Variants in KIRREL3 observed in about 807,000 individuals in gnomAD.
The protein encoded by KIRREL3 is kirre like nephrin family adhesion molecule 3.
Under a neutral mutation model 89.7 loss-of-function variants are expected in KIRREL3, and 36 were observed. The ratio of observed to expected loss-of-function variants is 0.40; its 90% CI spans 0.31 to 0.53. The LOEUF (loss-of-function observed/expected upper bound fraction) is 0.53. KIRREL3 is among the 20% of genes least tolerant of loss of function. The probability of loss-of-function intolerance (pLI) is 0.49; values close to 1 mark genes in which losing one functional copy is unlikely to be tolerated. For missense variants in KIRREL3, 864 were observed against 1,056.6 expected, an observed-to-expected ratio of 0.82 and a Z score of 2.53; for synonymous variants, 445 against 441.4, an observed-to-expected ratio of 1.01 and a Z score of -0.10.
At position 126,424,575 on chromosome 11, in the gene KIRREL3, G is replaced by C; in HGVS notation, c.*5C>G. On this transcript the variant is annotated 3_prime_UTR_variant, in exon 17 of 17. Transcript: ENST00000525144. Reference sequence around the variant, plus strand: ...TGGCCCGTCCCCACCCGCGGTGTGTGATCCTTAGACGTGAGTCTGCATCCG... The same window carrying C: ...TGGCCCGTCCCCACCCGCGGTGTGTCATCCTTAGACGTGAGTCTGCATCCG... The C allele has an allele frequency of 6.2e-7, 1 of 1,613,224 alleles. No homozygotes were observed. The highest frequency in any genetic ancestry group is 8.5e-7 in the Non-Finnish European group (1 of 1,179,578).
chr11:126,621,774 T>A (rs1943585420), intron 1 of KIRREL3, among the ~76,000 whole-genome samples: 2 of 152,226 alleles, frequency 1.3e-5, no homozygotes, highest in South Asian at 4.1e-4. Flanking sequence ...AACACTTTAC[T>A]CCTAATAATC....
At position 126,476,525 on chromosome 11, in the gene KIRREL3, C is replaced by T. The variant is rs765480925; in HGVS notation, c.434-3059G>A. Among the ~76,000 whole-genome samples the T allele has an allele frequency of 6.6e-6, 1 of 152,368 alleles. No individual in the cohort carries two copies. The highest frequency in any genetic ancestry group is 2.4e-5 in the African/African-American group (1 of 41,586). ...TTGTGGGAGTGCTCAGGCACACGCA[C>T]AGCCACGCACATACATCCACCCTCA... On this transcript the variant is annotated intron_variant, in intron 4 of 16. Coordinates refer to ENST00000525144, the MANE Select transcript of KIRREL3 (RefSeq NM_032531.4). The surrounding 1 kb of genome is among the most constrained non-coding windows in gnomAD (Gnocchi z 6.4).
At position 126,575,144 on chromosome 11, in the gene KIRREL3, G is replaced by A. The variant is rs1329494009; in HGVS notation, c.56-12232C>T. 1.3e-5 allele frequency among the ~76,000 whole-genome samples: 2 copies of A among 152,172 alleles called. No homozygotes were observed. Among genetic ancestry groups the A allele is most frequent in the African/African-American group, 4.8e-5 (2 of 41,436 alleles). ...TTCTCTGGCCAGAGGACACAGTGAG[G>A]GAGCCTGGTTTAAAAAAAAGAGGCT... On this transcript the variant is annotated intron_variant, in intron 1 of 16. Transcript: ENST00000525144. The surrounding 1 kb of genome is among the most constrained non-coding windows in gnomAD (Gnocchi z 7.0).
At position 126,531,870 on chromosome 11, in the gene KIRREL3, G is replaced by A. The variant is rs1958954530; in HGVS notation, c.134-5183C>T. Among the ~76,000 whole-genome samples, 1 of 152,160 alleles carries A rather than the reference G, an allele frequency of 6.6e-6. No individual in the cohort carries two copies. The highest frequency in any genetic ancestry group is 6.5e-5 in the Admixed American group (1 of 15,272). On this transcript the variant is annotated intron_variant, in intron 2 of 16. Coordinates refer to ENST00000525144, the MANE Select transcript of KIRREL3 (RefSeq NM_032531.4). The surrounding 1 kb of genome is among the most constrained non-coding windows in gnomAD (Gnocchi z 4.7). ...CACCGGTTACACGTCTGTCACATGT[G>A]CCTTTGTACTTAGAGTTTGCCTGCT...
chr11:126,468,512 T>C (rs1956794293), intron 5 of KIRREL3, among the ~76,000 whole-genome samples: 1 of 152,204 alleles, frequency 6.6e-6, no homozygotes. Flanking sequence ...CTTCCTCTCC[T>C]GCCCTTCCTC....
chr11:126,806,996 T>C (rs765411557), intron 1 of KIRREL3, among the ~76,000 whole-genome samples: 1 of 152,218 alleles, frequency 6.6e-6, no homozygotes, highest in Non-Finnish European at 1.5e-5. Context: ...TCCATGTCCC[T>C]GCAAAGGACA....
chr11:126,444,131 T>A (rs1955695989), intron 10 of KIRREL3, among the ~76,000 whole-genome samples: 1 of 152,182 alleles, frequency 6.6e-6, no homozygotes, highest in South Asian at 2.1e-4. Context: ...CCCTACATAT[T>A]TCATGTAACA....
intron 1 of KIRREL3, among the ~76,000 whole-genome samples, chr11:126,592,916 G>A (rs968927709): frequency 3.3e-5 from 5 of 152,132 alleles, no homozygotes; most frequent in African/African-American, 1.2e-4. Context: ...CAGAGGGCTG[G>A]GCGTGGCGTA....
intron 1 of KIRREL3, among the ~76,000 whole-genome samples, chr11:126,660,940 T>C (rs1446731367): frequency 3.3e-5 from 5 of 152,084 alleles, no homozygotes; most frequent in African/African-American, 9.7e-5. Context: ...TAGAGGCCAA[T>C]GGGGAGATCA....
intron 4 of KIRREL3, among the ~76,000 whole-genome samples, chr11:126,497,279 G>GGT (rs1247322607): frequency 2.0e-5 from 3 of 151,194 alleles, no homozygotes; most frequent in Non-Finnish European, 4.4e-5. Flanking sequence ...TGTGTGACAG[G>GGT]GTGTGTGTGT....
chr11:126,839,248 A>G (rs1184446722), intron 1 of KIRREL3, among the ~76,000 whole-genome samples: 1 of 152,206 alleles, frequency 6.6e-6, no homozygotes, highest in Non-Finnish European at 1.5e-5. Context: ...GTGCAGCAAT[A>G]CTGGGGTGAA....
Position 126,666,395 on chromosome 11 carries a change from C to T in KIRREL3, c.56-103483G>A, listed in dbSNP as rs1363993168. Among the ~76,000 whole-genome samples the T allele has an allele frequency of 6.6e-6, 1 of 152,190 alleles. No homozygotes were observed. On this transcript the variant is annotated intron_variant, in intron 1 of 16. Coordinates refer to ENST00000525144, the MANE Select transcript of KIRREL3 (RefSeq NM_032531.4). This position sits in a 1 kb window ranked among gnomAD's most constrained non-coding sequence, Gnocchi z 4.2. Reference sequence around the variant, plus strand: ...AGAAAAAGTGGGGGTAATCCACCAACTGTCTAACCATTTCCTGAAAAATAG... The same window carrying T: ...AGAAAAAGTGGGGGTAATCCACCAATTGTCTAACCATTTCCTGAAAAATAG...
chr11:126,460,139 G>A (rs1212755686), intron 6 of KIRREL3, among the ~76,000 whole-genome samples: 1 of 152,140 alleles, frequency 6.6e-6, no homozygotes, highest in Non-Finnish European at 1.5e-5. Context: ...GAGGGAGCGG[G>A]TGGAGAACGT....
chr11:126,754,591 C>T lies in KIRREL3; in HGVS notation c.56-191679G>A, dbSNP rs1032278512. On this transcript the variant is annotated intron_variant, in intron 1 of 16. Coordinates refer to ENST00000525144, the MANE Select transcript of KIRREL3 (RefSeq NM_032531.4). The surrounding 1 kb of genome is among the most constrained non-coding windows in gnomAD (Gnocchi z 5.1). ...CGTCTGCGAAGAAAGAATAGAGATA[C>T]GAGATAAATTAAAGGGATCATTTTT... Among the ~76,000 whole-genome samples the T allele has an allele frequency of 1.3e-5, 2 of 151,904 alleles. No individual in the cohort carries two copies. Among genetic ancestry groups the T allele is most frequent in the East Asian group, 3.9e-4 (2 of 5,188 alleles).
rs1029359590 is a variant in KIRREL3, at chr11:126,705,337, CAGG to C, written c.56-142428_56-142426del. Among the ~76,000 whole-genome samples, 4 of 152,246 alleles carry C rather than the reference CAGG, an allele frequency of 2.6e-5. No individual in the cohort carries two copies. The highest frequency in any genetic ancestry group is 9.6e-5 in the African/African-American group (4 of 41,544). On this transcript the variant is annotated intron_variant, in intron 1 of 16. Transcript: ENST00000525144. The surrounding 1 kb of genome is among the most constrained non-coding windows in gnomAD (Gnocchi z 4.3). The stretch of plus-strand genomic sequence containing the variant: ...GATTGGGTCATGAGGTCGGATTCCT[CAGG>C]AATGGTTTGGCACTAACCTCTTGGT...
rs1170612332 is a variant in KIRREL3, at chr11:126,635,546, A to T, written c.56-72634T>A. Among the ~76,000 whole-genome samples, 2 of 152,164 alleles carry T rather than the reference A, an allele frequency of 1.3e-5. No homozygotes were observed. Among genetic ancestry groups the T allele is most frequent in the Non-Finnish European group, 2.9e-5 (2 of 68,026 alleles). On this transcript the variant is annotated intron_variant, in intron 1 of 16. Coordinates refer to ENST00000525144, the MANE Select transcript of KIRREL3 (RefSeq NM_032531.4). The surrounding 1 kb of genome is among the most constrained non-coding windows in gnomAD (Gnocchi z 4.0). ...CTGGAGGAGGAGATAGGGAGGGAGG[A>T]GAAGGCTGGATGCTGGGTTCCCATT...
rs1156878804 is a variant in KIRREL3 at position 126,485,136 on chromosome 11, AG to A, written c.434-11671del. 6.6e-6 allele frequency among the ~76,000 whole-genome samples: 1 copy of A among 152,092 alleles called. No homozygotes were observed. Among genetic ancestry groups the A allele is most frequent in the Non-Finnish European group, 1.5e-5 (1 of 67,992 alleles). Reference sequence around the variant, plus strand: ...GCCCGGCCACAAGTGGGATTGTTAAAGGATGTGGCATCCGATATATTTGGCA... The same window carrying A: ...GCCCGGCCACAAGTGGGATTGTTAAAGATGTGGCATCCGATATATTTGGCA... On this transcript the variant is annotated intron_variant, in intron 4 of 16. Coordinates refer to ENST00000525144, the MANE Select transcript of KIRREL3 (RefSeq NM_032531.4). The surrounding 1 kb of genome is among the most constrained non-coding windows in gnomAD (Gnocchi z 5.8).
Position 126,557,968 on chromosome 11 carries a change from T to C in KIRREL3, c.133+4867A>G, listed in dbSNP as rs1939826089. ...GCTGCCTTTGCTAATCACTCACAAG[T>C]ATTTCGTCCTGAAAGATGAAAGGGA... On this transcript the variant is annotated intron_variant, in intron 2 of 16. Transcript: ENST00000525144. This position sits in a 1 kb window ranked among gnomAD's most constrained non-coding sequence, Gnocchi z 5.6. Among the ~76,000 whole-genome samples, 1 of 152,222 alleles carries C rather than the reference T, an allele frequency of 6.6e-6. No individual in the cohort carries two copies. The highest frequency in any genetic ancestry group is 1.5e-5 in the Non-Finnish European group (1 of 68,046).
intron 1 of KIRREL3, among the ~76,000 whole-genome samples, chr11:126,815,946 C>G (rs544325623): frequency 2.6e-5 from 4 of 152,274 alleles, no homozygotes; most frequent in Non-Finnish European, 4.4e-5. Context: ...AACTGGCTTA[C>G]GTAAAGTTCT....
Sources: gnomAD v4.1 joint callset for allele counts (sites outside exome capture counted in the v4.1 genomes callset) on GRCh38, gnomAD v4.1.1 for gene constraint, Gnocchi (gnomAD v3.1) non-coding constraint, MANE v1.5 for transcripts, NCBI Gene and HGNC (gene_info 2026-07-23, HGNC 2026-07-21) for gene names.